Variants in PNKD observed in about 807,000 individuals in gnomAD.
The protein encoded by PNKD is PNKD metallo-beta-lactamase domain containing.
Under a neutral mutation model 45.3 loss-of-function variants are expected in PNKD, and 36 were observed. The observed-to-expected ratio is 0.80, with a 90% CI of 0.61 to 1.05. The LOEUF (loss-of-function observed/expected upper bound fraction) is 1.05. Ranked by LOEUF, PNKD falls within the 50% of genes least tolerant of loss-of-function variation. The pLI, the probability that PNKD is intolerant of heterozygous loss-of-function variation, is 0.00. For missense variants in PNKD, 511 were observed against 506.6 expected (o/e 1.01, Z -0.08); for synonymous variants, 197 against 210.1 (o/e 0.94, Z 0.54).
At chr2:218,274,019 C>CT (rs1261396823) in intron 2 of PNKD, among the ~76,000 whole-genome samples, 1 of 152,186 alleles carries the variant, frequency 6.6e-6, no homozygotes, top group Non-Finnish European at 1.5e-5. Context: ...GGGTTGAGCT[C>CT]TCCCTTTCCC....
chr2:218,345,074 C>G lies in PNKD; in HGVS notation c.*93C>G. ...TCCTTCTCATCGCTAACACCACCACCTCCATCGGCACCCAAGCGGGCATCA... is the reference window on the plus strand; with the variant it reads ...TCCTTCTCATCGCTAACACCACCACGTCCATCGGCACCCAAGCGGGCATCA... On this transcript the variant is annotated 3_prime_UTR_variant, in exon 10 of 10. Transcript: ENST00000273077. 1.1e-6 allele frequency: 1 copy of G among 937,542 alleles called. No individual in the cohort carries two copies. Among genetic ancestry groups the G allele is most frequent in the Middle Eastern group, 3.4e-4 (1 of 2,954 alleles). 58.1% of individuals were successfully genotyped at this position (937,542 alleles called of 1,614,324 possible). A position where few individuals can be genotyped will look rare whatever the true frequency, so the allele number is the denominator to read the frequency against.
intron 2 of PNKD, among the ~76,000 whole-genome samples, chr2:218,330,823 C>T (rs1217340892): frequency 6.6e-6 from 1 of 152,260 alleles, no homozygotes; most frequent in East Asian, 1.9e-4. Flanking sequence ...CTTAGAGAAG[C>T]ACTGTCCTGG....
intron 2 of PNKD, among the ~76,000 whole-genome samples, chr2:218,311,553 A>G (rs1013080505): frequency 1.4e-4 from 21 of 152,226 alleles, no homozygotes; most frequent in Non-Finnish European, 1.0e-4. Flanking sequence ...CTGGATGTGC[A>G]CGTAGGCTAG....
At chr2:218,279,371 G>T in intron 2 of PNKD, 1 of 1,541,412 alleles carries the variant, frequency 6.5e-7, no homozygotes, top group East Asian at 2.3e-5. Flanking sequence ...CAGACGGCCG[G>T]GCATGGGTCA....
intron 2 of PNKD, chr2:218,276,967 C>G: frequency 6.3e-7 from 1 of 1,578,408 alleles, no homozygotes; most frequent in South Asian, 1.1e-5. Flanking sequence ...GCCCTGAGCA[C>G]TGGGTTCCCT....
chr2:218,301,501 G>A (rs1485474157), intron 2 of PNKD, among the ~76,000 whole-genome samples: 1 of 152,140 alleles, frequency 6.6e-6, no homozygotes, highest in Non-Finnish European at 1.5e-5. Context: ...GAAAAAGGGA[G>A]CCTTGGCCGA....
chr2:218,340,867 C>T lies in PNKD; in HGVS notation c.524+81C>T. The T allele has an allele frequency of 8.3e-7, 1 of 1,199,658 alleles. No individual in the cohort carries two copies. 74.3% of individuals were successfully genotyped at this position (1,199,658 alleles called of 1,614,324 possible). On this transcript the variant is annotated intron_variant, in intron 5 of 9. Transcript: ENST00000273077. The surrounding 1 kb of genome is among the most constrained non-coding windows in gnomAD (Gnocchi z 4.2). ...CTGGGCCCATTGAGGACGGCCGGGG[C>T]CAGAGATCAAGAAGTCAGTACGGGC...
intron 2 of PNKD, chr2:218,278,130 TG>T: frequency 1.3e-6 from 1 of 780,002 alleles, no homozygotes; most frequent in Non-Finnish European, 2.1e-6. Context: ...TGTTCAGGTG[TG>T]GTACGCAGGG....
At chr2:218,275,651 A>G in intron 2 of PNKD, 1 of 1,597,100 alleles carries the variant, frequency 6.3e-7, no homozygotes, top group Non-Finnish European at 8.5e-7. Flanking sequence ...AGAAGTGAGA[A>G]CTCAGGCATC....
At chr2:218,321,415 A>T (rs971090217) in intron 2 of PNKD, among the ~76,000 whole-genome samples, 1 of 152,056 alleles carries the variant, frequency 6.6e-6, no homozygotes, top group Non-Finnish European at 1.5e-5. Context: ...AAGCAACCTA[A>T]TTACAGGCGA....
At chr2:218,334,552 C>T (rs1694433742) in intron 2 of PNKD, 2 of 581,244 alleles carry the variant, frequency 3.4e-6, no homozygotes, top group Admixed American at 3.1e-5. Flanking sequence ...ACTCAGGAGG[C>T]TGAGGCGGGA....
intron 2 of PNKD, among the ~76,000 whole-genome samples, chr2:218,301,123 C>G (rs1411838506): frequency 1.3e-5 from 2 of 152,068 alleles, no homozygotes; most frequent in Non-Finnish European, 2.9e-5. Context: ...ACTCCATAGA[C>G]AGAGCAGCCA....
intron 2 of PNKD, chr2:218,274,120 A>T (rs962869272): frequency 6.5e-6 from 1 of 154,988 alleles, no homozygotes; most frequent in African/African-American, 2.4e-5. Context: ...AAAAGGTGGG[A>T]CAGCCCAAGC....
chr2:218,327,477 C>T (rs779168574), intron 2 of PNKD, among the ~76,000 whole-genome samples: 3 of 152,068 alleles, frequency 2.0e-5, no homozygotes, highest in African/African-American at 7.3e-5. Context: ...CCTGTGGGAC[C>T]GTGGAGAACT....
intron 2 of PNKD, among the ~76,000 whole-genome samples, chr2:218,318,950 C>CTTTTTTTTTT (rs769001811): frequency 2.1e-4 from 21 of 99,890 alleles, no homozygotes; most frequent in Non-Finnish European, 2.8e-4. Context: ...TTTTTTTTTT[C>CTTTTTTTTTT]TTTTTTTTTT....
intron 8 of PNKD, among the ~76,000 whole-genome samples, chr2:218,343,845 G>C (rs1462829670): frequency 2.6e-5 from 4 of 152,210 alleles, no homozygotes; most frequent in African/African-American, 7.2e-5. Flanking sequence ...GCAGGCCCCA[G>C]GGCATTCCAG....
At chr2:218,335,311 A>G (rs1402664983) in intron 2 of PNKD, among the ~76,000 whole-genome samples, 1 of 152,004 alleles carries the variant, frequency 6.6e-6, no homozygotes, top group Non-Finnish European at 1.5e-5. Flanking sequence ...GAGAAACCCT[A>G]TCTCTACTAA....
chr2:218,298,347 C>T (rs181313684), intron 2 of PNKD, among the ~76,000 whole-genome samples: 84 of 152,262 alleles, frequency 5.5e-4, no homozygotes, highest in African/African-American at 1.4e-3. Context: ...CATAAACAAA[C>T]GCTCCCCAGG....
At chr2:218,284,639 C>T (rs1692354481) in intron 2 of PNKD, among the ~76,000 whole-genome samples, 1 of 152,214 alleles carries the variant, frequency 6.6e-6, no homozygotes, top group African/African-American at 2.4e-5. Context: ...CAGCAGTTTC[C>T]AGGCCAGTCC....
Sources: allele counts gnomAD v4.1 joint callset (sites outside exome capture counted in the v4.1 genomes callset), GRCh38; gene constraint gnomAD v4.1.1; non-coding constraint Gnocchi (gnomAD v3.1); transcripts MANE v1.5; gene names NCBI Gene and HGNC (gene_info 2026-07-23, HGNC 2026-07-21).